CFAP20DC: variants seen among roughly 807,000 people sequenced by gnomAD.
The protein encoded by CFAP20DC is protein CFAP20DC.
In CFAP20DC, 84 loss-of-function variants were observed where a neutral mutation model predicts 101.7. The ratio of observed to expected loss-of-function variants is 0.83; its 90% CI spans 0.69 to 0.99. The LOEUF (loss-of-function observed/expected upper bound fraction) is 0.99. Among genes scored for constraint, CFAP20DC ranks in the 50% least tolerant of loss-of-function variants. The pLI is 0.00. For missense variants in CFAP20DC, 1,007 were observed against 970.3 expected (o/e 1.04, Z -0.50); for synonymous variants, 359 against 351.2 (o/e 1.02, Z -0.25).
chr3:59,030,058 A>T (rs1318354596), intron 4 of CFAP20DC, among the ~76,000 whole-genome samples: 1 of 152,192 alleles, frequency 6.6e-6, no homozygotes, highest in Non-Finnish European at 1.5e-5. Context: ...AGCTGGCAAG[A>T]CTTCACTTAT....
chr3:58,843,126 A>T (rs9681024), intron 13 of CFAP20DC, among the ~76,000 whole-genome samples: 1 of 152,036 alleles, frequency 6.6e-6, no homozygotes, highest in African/African-American at 2.4e-5. Flanking sequence ...CCAAAGGAAC[A>T]CAGTTCCTCA....
At chr3:58,891,265 C>A (rs1173764110) in intron 6 of CFAP20DC, among the ~76,000 whole-genome samples, 1 of 151,992 alleles carries the variant, frequency 6.6e-6, no homozygotes, top group East Asian at 1.9e-4. Context: ...TCCACCAAAA[C>A]CAGTCAGGCG....
At chr3:58,781,751 G>A (rs1235132178) in intron 15 of CFAP20DC, among the ~76,000 whole-genome samples, 2 of 151,956 alleles carry the variant, frequency 1.3e-5, no homozygotes, top group Non-Finnish European at 2.9e-5. Flanking sequence ...ACAGAAACCT[G>A]AACAGAACAA....
At chr3:58,836,432 T>C (rs1000552943) in intron 13 of CFAP20DC, among the ~76,000 whole-genome samples, 4 of 152,172 alleles carry the variant, frequency 2.6e-5, no homozygotes, top group Non-Finnish European at 4.4e-5. Context: ...CATCTGATGA[T>C]AGAACTTTTT....
At chr3:58,723,507 T>C (rs1467171742) in intron 3 of CFAP20DC, among the ~76,000 whole-genome samples, 1 of 152,246 alleles carries the variant, frequency 6.6e-6, no homozygotes, top group Non-Finnish European at 1.5e-5. Flanking sequence ...TGGGAACTTT[T>C]CTGAGTTTGA....
chr3:58,942,834 C>T (rs979594125), intron 4 of CFAP20DC, among the ~76,000 whole-genome samples: 1 of 152,214 alleles, frequency 6.6e-6, no homozygotes, highest in Non-Finnish European at 1.5e-5. Flanking sequence ...ATTTGAAATT[C>T]TCACTGAGAA....
chr3:58,809,311 T>C (rs1325523565), intron 14 of CFAP20DC, among the ~76,000 whole-genome samples: 1 of 151,980 alleles, frequency 6.6e-6, no homozygotes, highest in Non-Finnish European at 1.5e-5. Context: ...AGTAAAGCTC[T>C]CCTCAGCAAA....
At chr3:58,935,513 A>ACTT (rs1287173092) in intron 5 of CFAP20DC, among the ~76,000 whole-genome samples, 1 of 151,878 alleles carries the variant, frequency 6.6e-6, no homozygotes, top group African/African-American at 2.4e-5. Flanking sequence ...GCGCTACCTG[A>ACTT]CTTCAAACTA....
chr3:58,952,879 C>T (rs1324512267), intron 4 of CFAP20DC, among the ~76,000 whole-genome samples: 2 of 152,038 alleles, frequency 1.3e-5, no homozygotes, highest in African/African-American at 4.8e-5. Flanking sequence ...CATATTGGCT[C>T]ATCTTCTTAT....
At chr3:58,841,926 T>G (rs552385291) in intron 13 of CFAP20DC, among the ~76,000 whole-genome samples, 8 of 152,354 alleles carry the variant, frequency 5.3e-5, no homozygotes, top group Non-Finnish European at 1.2e-4. Context: ...TTAAAATGAT[T>G]CGTTCAAAAT....
chr3:58,762,699 T>C (rs1421965933), intron 15 of CFAP20DC, among the ~76,000 whole-genome samples: 4 of 152,228 alleles, frequency 2.6e-5, no homozygotes, highest in African/African-American at 9.7e-5. Context: ...CCATGTTTAG[T>C]GCTTCCTTCA....
chr3:58,943,395 G>A (rs907685226), intron 4 of CFAP20DC, among the ~76,000 whole-genome samples: 8 of 152,308 alleles, frequency 5.3e-5, no homozygotes, highest in East Asian at 1.9e-4. Context: ...AATCTTTGCC[G>A]TTCTGCAGCC....
chr3:58,993,840 C>A (rs189356571), intron 4 of CFAP20DC, among the ~76,000 whole-genome samples: 2 of 152,284 alleles, frequency 1.3e-5, no homozygotes, highest in African/African-American at 4.8e-5. Context: ...CAATGATGGG[C>A]ATTTGGGCTG....
intron 16 of CFAP20DC, among the ~76,000 whole-genome samples, chr3:58,750,695 T>C (rs992586311): frequency 1.3e-5 from 2 of 152,184 alleles, no homozygotes; most frequent in Non-Finnish European, 2.9e-5. Context: ...AATTGAGGGG[T>C]TGGACCACAT....
At chr3:58,765,680 T>C (rs144880437) in intron 15 of CFAP20DC, among the ~76,000 whole-genome samples, 3 of 152,296 alleles carry the variant, frequency 2.0e-5, no homozygotes, top group South Asian at 2.1e-4. Flanking sequence ...AATTACAGCA[T>C]TGAGCTACCT....
At chr3:58,820,670 C>T (rs1314598983) in intron 14 of CFAP20DC, among the ~76,000 whole-genome samples, 1 of 151,420 alleles carries the variant, frequency 6.6e-6, no homozygotes, top group Non-Finnish European at 1.5e-5. Context: ...AAGAACATTC[C>T]ATGCTCATGG....
intron 15 of CFAP20DC, among the ~76,000 whole-genome samples, chr3:58,789,580 A>G (rs1460754983): frequency 6.6e-6 from 1 of 152,202 alleles, no homozygotes; most frequent in Non-Finnish European, 1.5e-5. Flanking sequence ...GCATGAGAAA[A>G]TAAGGAACTG....
chr3:58,769,404 G>A (rs953503330), intron 15 of CFAP20DC, among the ~76,000 whole-genome samples: 1 of 152,166 alleles, frequency 6.6e-6, no homozygotes, highest in Non-Finnish European at 1.5e-5. Flanking sequence ...GTAATGACCT[G>A]CCCATTTGTG....
At chr3:58,855,098 G>C (rs1240137778) in intron 12 of CFAP20DC, among the ~76,000 whole-genome samples, 2 of 150,516 alleles carry the variant, frequency 1.3e-5, no homozygotes, top group Non-Finnish European at 3.0e-5. Context: ...CTGACAAAGG[G>C]CTAATATCCA....
Sources: allele counts gnomAD v4.1 joint callset (sites outside exome capture counted in the v4.1 genomes callset), GRCh38; gene constraint gnomAD v4.1.1; transcripts MANE v1.5; gene names NCBI Gene and HGNC (gene_info 2026-07-23, HGNC 2026-07-21).